The following HIP1 variants were observed in gnomAD, a reference collection of about 807,000 sequenced individuals.
HIP1 encodes huntingtin-interacting protein 1.
In HIP1, 65 loss-of-function variants were observed where a neutral mutation model predicts 147.6. The ratio of observed to expected loss-of-function variants is 0.44; its 90% confidence interval spans 0.36 to 0.54. The LOEUF (loss-of-function observed/expected upper bound fraction) is 0.54, where lower values mean the gene tolerates loss of function less well. Ranked by LOEUF, HIP1 falls within the 20% of genes least tolerant of loss-of-function variation. HIP1 has a pLI of 0.00. For missense variants in HIP1, 1,061 were observed against 1,299.6 expected, an observed-to-expected ratio of 0.82 and a Z score of 2.82; for synonymous variants, 479 against 504.0, an observed-to-expected ratio of 0.95 and a Z score of 0.67.
intron 1 of HIP1, among the ~76,000 whole-genome samples, chr7:75,620,188 C>T (rs1000274467): frequency 6.6e-6 from 1 of 151,556 alleles, no homozygotes; most frequent in Admixed American, 6.6e-5. Context: ...AGTTCAAGAC[C>T]AGCTGGGGGC....
chr7:75,645,377 C>T (rs1477201406), intron 1 of HIP1, among the ~76,000 whole-genome samples: 3 of 152,052 alleles, frequency 2.0e-5, no homozygotes, highest in Admixed American at 1.3e-4. Context: ...TAGGCATGCA[C>T]CACCACACCC....
chr7:75,641,220 C>T (rs1481576789), intron 1 of HIP1, among the ~76,000 whole-genome samples: 1 of 152,006 alleles, frequency 6.6e-6, no homozygotes, highest in Non-Finnish European at 1.5e-5. Context: ...GCAGGAGAAT[C>T]GCTTGAGCAT....
intron 1 of HIP1, among the ~76,000 whole-genome samples, chr7:75,613,731 G>A (rs1355487032): frequency 3.9e-5 from 6 of 152,180 alleles, no homozygotes; most frequent in African/African-American, 9.6e-5. Context: ...GCCAACCAAC[G>A]TCCTCCACCC....
At chr7:75,559,703 G>GGCCGGCCCCC in intron 14 of HIP1, 29 bp downstream of exon 14, 1 of 1,195,144 alleles carries the variant, frequency 8.4e-7, no homozygotes. Context: ...TGCCCCCGGG[G>GGCCGGCCCCC]CCCGCCCCCG....
chr7:75,619,764 G>A lies in HIP1; in HGVS notation c.121-20517C>T, dbSNP rs148332290. Among the ~76,000 whole-genome samples the A allele has an allele frequency of 9.4e-4, 143 of 152,262 alleles. 1 individual carries two copies. The highest frequency in any genetic ancestry group is 3.2e-3 in the African/African-American group (131 of 41,556). On this transcript the variant is annotated intron_variant, in intron 1 of 30. Coordinates refer to ENST00000336926, the MANE Select transcript of HIP1 (RefSeq NM_005338.7). The stretch of plus-strand genomic sequence containing the variant: ...GCAATCTCCGTTAGTACATTTAAGA[G>A]AGGATTCAGTTTACAGAAGTGTGAT...
intron 29 of HIP1, 59 bp from the exon 30 acceptor site, chr7:75,539,490 T>G: frequency 1.5e-6 from 2 of 1,348,478 alleles, no homozygotes; most frequent in Non-Finnish European, 2.1e-6. Context: ...TTAATTTTTA[T>G]TTATTTTTTT....
At position 75,637,536 on chromosome 7, in the gene HIP1, ATTTTTTTTTT is replaced by A. The variant is rs869251770; in HGVS notation, c.121-38299_121-38290del. Among the ~76,000 whole-genome samples, 179 of 70,894 alleles carry A rather than the reference ATTTTTTTTTT, an allele frequency of 2.5e-3. 2 individuals carry two copies. The highest frequency in any genetic ancestry group is 3.2e-3 in the Admixed American group (15 of 4,636). 46.5% of individuals were successfully genotyped at this position (70,894 alleles called of 152,430 possible). A position where few individuals can be genotyped will look rare whatever the true frequency, so the allele number is the denominator to read the frequency against. ...CTCCACCCCCATAGCTGCAGAGAGG[ATTTTTTTTTT>A]TTTTTTTTTTTTTTTTTGAGAGGGA... On this transcript the variant is annotated intron_variant, in intron 1 of 30. Transcript: ENST00000336926.
intron 1 of HIP1, among the ~76,000 whole-genome samples, chr7:75,724,056 A>C (rs900277671): frequency 1.3e-5 from 2 of 152,072 alleles, no homozygotes. Flanking sequence ...CCCGGGGCTC[A>C]AGCGATTCTC....
At chr7:75,729,497 A>G (rs1240040360) in intron 1 of HIP1, among the ~76,000 whole-genome samples, 1 of 151,514 alleles carries the variant, frequency 6.6e-6, no homozygotes, top group Non-Finnish European at 1.5e-5. Context: ...TTAAAAAACA[A>G]AAAAGCGGCC....
chr7:75,623,210 CAAA>C (rs34787591), intron 1 of HIP1, among the ~76,000 whole-genome samples: 87 of 83,012 alleles, frequency 1.0e-3, no homozygotes, highest in East Asian at 1.4e-3. Flanking sequence ...AAAAAAAAAG[CAAA>C]AAAAAAAAAA....
chr7:75,688,163 CT>C (rs1199735719), intron 1 of HIP1, among the ~76,000 whole-genome samples: 2 of 152,156 alleles, frequency 1.3e-5, no homozygotes, highest in Admixed American at 1.3e-4. Flanking sequence ...TTCCCTCATC[CT>C]GGATGCAACA....
intron 1 of HIP1, among the ~76,000 whole-genome samples, chr7:75,632,170 A>T (rs1379842556): frequency 6.6e-6 from 1 of 152,128 alleles, no homozygotes; most frequent in Non-Finnish European, 1.5e-5. Context: ...CCCTTGGTGC[A>T]TTTCAAGGAA....
intron 4 of HIP1, among the ~76,000 whole-genome samples, chr7:75,591,281 C>T (rs1796492639): frequency 6.6e-6 from 1 of 152,094 alleles, no homozygotes; most frequent in South Asian, 2.1e-4. Flanking sequence ...GATCTGCTTG[C>T]CTCGGCCTCC....
intron 1 of HIP1, among the ~76,000 whole-genome samples, chr7:75,608,282 G>A (rs1332325458): frequency 2.6e-5 from 4 of 152,188 alleles, no homozygotes; most frequent in African/African-American, 9.6e-5. Flanking sequence ...ACTCCAGCCT[G>A]GGTGACAGAG....
chr7:75,735,014 C>T (rs886839544), intron 1 of HIP1, among the ~76,000 whole-genome samples: 2 of 152,168 alleles, frequency 1.3e-5, no homozygotes, highest in African/African-American at 4.8e-5. Flanking sequence ...GTCTCGGGTT[C>T]GTCTCCCCAG....
At chr7:75,540,984 G>A (rs587655056) in intron 29 of HIP1, among the ~76,000 whole-genome samples, 1 of 152,232 alleles carries the variant, frequency 6.6e-6, no homozygotes, top group African/African-American at 2.4e-5. Flanking sequence ...TCTGATCTTG[G>A]CTGGGTGTGG....
At chr7:75,572,068 C>A (rs1331429067) in intron 8 of HIP1, among the ~76,000 whole-genome samples, 4 of 151,916 alleles carry the variant, frequency 2.6e-5, no homozygotes, top group Middle Eastern at 3.2e-3. Flanking sequence ...ACAACAACAA[C>A]AAAAAATTAG....
intron 1 of HIP1, chr7:75,625,782 C>G (rs1563253755): frequency 1.3e-5 from 2 of 152,034 alleles, no homozygotes; most frequent in Admixed American, 1.3e-4. Context: ...ATAAAAGAGG[C>G]TTTGGAGGCC....
In HIP1 at chr7:75,544,745, A is replaced by G. The variant is rs782545248; in HGVS notation, c.2716T>C (p.Cys906Arg). Residue 906 changes from cysteine to arginine, a missense_variant, in exon 27 of 31, where the codon TGT becomes CGT. By Grantham distance (180) the Cys-to-Arg change is radical (BLOSUM62 -3). Around this residue, in one of 3 missense-constraint regions of HIP1, gnomAD observed 810 missense variants for 946.8 expected, o/e 0.86. Transcript: ENST00000336926. ...GRGKFEELMV[C>R]SHEIAASTAQ... ...GTGCTAGCAGCAATTTCATGAGAAC[A>G]CACCATTAGCTCCTCAAATTTCCCT... The G allele has an allele frequency of 5.9e-5, 96 of 1,613,882 alleles. No homozygotes were observed. Among genetic ancestry groups the G allele is most frequent in the Non-Finnish European group, 7.4e-5 (87 of 1,179,848 alleles).
Sources: allele counts gnomAD v4.1 joint callset (sites outside exome capture counted in the v4.1 genomes callset), GRCh38; gene constraint gnomAD v4.1.1; regional missense constraint gnomAD v4.1.1; transcripts MANE v1.5; gene names NCBI Gene and HGNC (gene_info 2026-07-23, HGNC 2026-07-21).